TPO: variants seen among roughly 807,000 people sequenced by gnomAD.
TPO encodes thyroid peroxidase, also known as thyroid microsomal antigen.
TPO carries 78 observed loss-of-function variants against 96.9 expected under a neutral mutation model. The observed-to-expected ratio is 0.81, with a 90% CI of 0.67 to 0.97. The LOEUF is 0.97. Ranked by LOEUF, TPO falls within the 50% of genes least tolerant of loss-of-function variation. The pLI is 0.00. For synonymous variants in TPO, 547 were observed against 538.0 expected (o/e 1.02, Z -0.23); for missense variants, 1,252 against 1,274.8 (o/e 0.98, Z 0.27).
At chr2:1,386,946 G>T (rs1230320217) in intron 1 of TPO, among the ~76,000 whole-genome samples, 1 of 152,122 alleles carries the variant, frequency 6.6e-6, no homozygotes. Flanking sequence ...GTCTGTAAAG[G>T]ATTTTATTTC....
At chr2:1,441,297 C>T (rs980837550) in intron 5 of TPO, among the ~76,000 whole-genome samples, 47 of 152,168 alleles carry the variant, frequency 3.1e-4, no homozygotes, top group South Asian at 1.7e-3. Flanking sequence ...TGCTGCAGGA[C>T]GTACCATGTT....
rs764321486 is a variant in TPO, at chr2:1,542,442, C to T, written c.2770C>T (p.Arg924Trp). Reference sequence around the variant, plus strand: ...GCAGGAGAGTGCTGGGATGGAAGGCCGGGATACTCACAGGCTGCCGAGAGC... The same window carrying T: ...GCAGGAGAGTGCTGGGATGGAAGGCTGGGATACTCACAGGCTGCCGAGAGC... ...SEQESAGMEG[R>W]DTHRLPRAL The change falls in exon 17 of 17, where the codon CGG becomes TGG. Residue 924 changes from arginine (R) to tryptophan (W), a missense_variant. Physicochemically the swap from Arg to Trp is moderately radical, Grantham distance 101 (BLOSUM62 -3). Coordinates refer to ENST00000329066, the MANE Select transcript of TPO (RefSeq NM_001206744.2). 30 of 1,614,022 alleles carry T rather than the reference C, an allele frequency of 1.9e-5. No homozygotes were observed. Among genetic ancestry groups the T allele is most frequent in the South Asian group, 2.2e-5 (2 of 91,074 alleles).
At chr2:1,490,637 A>C (rs1671692320) in intron 10 of TPO, among the ~76,000 whole-genome samples, 1 of 152,230 alleles carries the variant, frequency 6.6e-6, no homozygotes, top group South Asian at 2.1e-4. Context: ...AGACTGAAGC[A>C]CAGACAGTTT....
At chr2:1,425,536 C>T (rs1299870829) in intron 3 of TPO, among the ~76,000 whole-genome samples, 1 of 152,090 alleles carries the variant, frequency 6.6e-6, no homozygotes, top group Non-Finnish European at 1.5e-5. Context: ...TGCCGGGATA[C>T]AGAGATGAGT....
At chr2:1,476,670 G>A (rs1392376081) in intron 7 of TPO, among the ~76,000 whole-genome samples, 1 of 152,270 alleles carries the variant, frequency 6.6e-6, no homozygotes, top group Non-Finnish European at 1.5e-5. Context: ...AGCGAGACTG[G>A]CTCAGGCCAA....
At chr2:1,471,373 G>A (rs541375769) in intron 7 of TPO, among the ~76,000 whole-genome samples, 2 of 152,094 alleles carry the variant, frequency 1.3e-5, no homozygotes, top group East Asian at 1.9e-4. Context: ...TGCTGAAAGC[G>A]AGTTGAGTTA....
chr2:1,383,003 G>T (rs577273340), intron 1 of TPO, among the ~76,000 whole-genome samples: 10 of 151,518 alleles, frequency 6.6e-5, no homozygotes, highest in African/African-American at 2.4e-4. Context: ...GTGATAGTTT[G>T]CTGAGAATGA....
intron 5 of TPO, among the ~76,000 whole-genome samples, chr2:1,448,439 C>A (rs1380111874): frequency 6.6e-6 from 1 of 152,208 alleles, no homozygotes; most frequent in Non-Finnish European, 1.5e-5. Flanking sequence ...TCTCTTCATC[C>A]TCAGAGCCAT....
Position 1,487,922 on chromosome 2 carries a change from C to T in TPO, c.1699C>T (p.Leu567=). The T allele has an allele frequency of 6.2e-7, 1 of 1,614,182 alleles. No individual in the cohort carries two copies. Among genetic ancestry groups the T allele is most frequent in the Non-Finnish European group, 8.5e-7 (1 of 1,180,034 alleles). The change falls in exon 10 of 17, where the codon CTG becomes TTG. Residue 567 remains leucine, a synonymous_variant. Coordinates refer to ENST00000329066, the MANE Select transcript of TPO (RefSeq NM_001206744.2). ...GGAGCTGACGGAAAGGCTCTTTGTG[C>T]TGTCCAATTCCAGCACCTTGGATCT... ...NEELTERLFV[L]SNSSTLDLAS...
chr2:1,506,712 C>T (rs1358686275), intron 14 of TPO, among the ~76,000 whole-genome samples: 5 of 151,778 alleles, frequency 3.3e-5, no homozygotes, highest in African/African-American at 7.3e-5. Context: ...ATATCCTTCA[C>T]CCGCTTTTTG....
chr2:1,527,566 C>T (rs1238725206), intron 15 of TPO, among the ~76,000 whole-genome samples: 1 of 149,786 alleles, frequency 6.7e-6, no homozygotes, highest in African/African-American at 2.5e-5. Flanking sequence ...TCCCCAAATA[C>T]CAACTGTGTG....
rs1397483552 is a variant in TPO, at chr2:1,542,624, A to C, written c.*150A>C. 6.5e-7 allele frequency: 1 copy of C among 1,550,152 alleles called. No homozygotes were observed. The highest frequency in any genetic ancestry group is 8.7e-7 in the Non-Finnish European group (1 of 1,145,752). Reference sequence around the variant, plus strand: ...TACCATGTCGTAGTTACTCTCAGGCATGGATGAATAAATGTTATAGCTGCA... The same window carrying C: ...TACCATGTCGTAGTTACTCTCAGGCCTGGATGAATAAATGTTATAGCTGCA... On this transcript the variant is annotated 3_prime_UTR_variant, in exon 17 of 17. Transcript: ENST00000329066.
At position 1,487,812 on chromosome 2, in the gene TPO, A is replaced by G; in HGVS notation, c.1598-9A>G. The G allele has an allele frequency of 6.2e-7, 1 of 1,614,086 alleles. No homozygotes were observed. Among genetic ancestry groups the G allele is most frequent in the Non-Finnish European group, 8.5e-7 (1 of 1,180,028 alleles). ...GAGCTGTCCTTGCCTTGTGCATGGT[A>G]TTTTCCAGGTGGTTTGGACCCACTA... On this transcript the variant is annotated splice_polypyrimidine_tract_variant and intron_variant, in intron 9 of 16. Coordinates refer to ENST00000329066, the MANE Select transcript of TPO (RefSeq NM_001206744.2).
chr2:1,529,948 C>G (rs1677680115), intron 15 of TPO, among the ~76,000 whole-genome samples: 1 of 82,270 alleles, frequency 1.2e-5, no homozygotes, highest in Admixed American at 1.3e-4. Flanking sequence ...CCATATCCCC[C>G]CAACTCTGTG....
chr2:1,459,208 G>C (rs566985530), intron 7 of TPO, among the ~76,000 whole-genome samples: 137 of 151,538 alleles, frequency 9.0e-4, no homozygotes, highest in Non-Finnish European at 1.4e-3. Flanking sequence ...CTGGAGTGCA[G>C]TGGTGCAATC....
intron 5 of TPO, among the ~76,000 whole-genome samples, chr2:1,436,983 G>A (rs1405929470): frequency 2.6e-5 from 4 of 152,166 alleles, no homozygotes; most frequent in African/African-American, 9.7e-5. Flanking sequence ...CAACAGTGGT[G>A]ACTGCCCACC....
chr2:1,493,839 C>G lies in TPO; in HGVS notation c.1806C>G (p.Arg602=). ...NEWREFCGLP[R]LETPADLSTA... The stretch of plus-strand genomic sequence containing the variant: ...GGAGGGAGTTCTGCGGCCTGCCTCG[C>G]CTGGAGACCCCCGCTGACCTGAGCA... The change falls in exon 11 of 17, where the codon CGC becomes CGG. Residue 602 remains arginine (R), a synonymous_variant. Transcript: ENST00000329066. The G allele has an allele frequency of 2.5e-6, 4 of 1,614,102 alleles. No individual in the cohort carries two copies. Among genetic ancestry groups the G allele is most frequent in the Non-Finnish European group, 3.4e-6 (4 of 1,180,008 alleles).
intron 7 of TPO, among the ~76,000 whole-genome samples, chr2:1,458,942 T>A (rs1404937456): frequency 6.6e-6 from 1 of 152,140 alleles, no homozygotes; most frequent in African/African-American, 2.4e-5. Context: ...TGGCCCTCAA[T>A]CTTTGTGCCC....
rs528388861 is a variant in TPO at position 1,449,508 on chromosome 2, T to C, written c.483-4186T>C. ...CAATCGTCTCCTTTTTAGAAGTGCC[T>C]GTAGATTGAAAGTTCAATTGCTCAA... On this transcript the variant is annotated intron_variant, in intron 5 of 16. Coordinates refer to ENST00000329066, the MANE Select transcript of TPO (RefSeq NM_001206744.2). Among the ~76,000 whole-genome samples, 11 of 152,336 alleles carry C rather than the reference T, an allele frequency of 7.2e-5. No individual in the cohort carries two copies. In the East Asian group the frequency reaches 7.7e-4, roughly 11 times the overall value.
Sources: allele counts gnomAD v4.1 joint callset (sites outside exome capture counted in the v4.1 genomes callset), GRCh38; gene constraint gnomAD v4.1.1; transcripts MANE v1.5; gene names NCBI Gene and HGNC (gene_info 2026-07-23, HGNC 2026-07-21).